Variants in DNMT3B observed in about 807,000 individuals in gnomAD.
The protein encoded by DNMT3B is DNA methyltransferase 3 beta, also known as DNA (cytosine-5)-methyltransferase 3B.
DNMT3B carries 37 observed loss-of-function variants against 120.2 expected under a neutral mutation model. The ratio of observed to expected loss-of-function variants is 0.31; its 90% CI spans 0.24 to 0.40. The LOEUF (loss-of-function observed/expected upper bound fraction) is 0.40. DNMT3B is among the 10% of genes least tolerant of loss of function. The probability of loss-of-function intolerance (pLI) is 1.00; values close to 1 mark genes in which losing one functional copy is unlikely to be tolerated. For missense variants in DNMT3B, 878 were observed against 1,137.3 expected (o/e 0.77, Z 3.28); for synonymous variants, 412 against 442.8 (o/e 0.93, Z 0.87).
intron 3 of DNMT3B, 57 bp from the exon 4 acceptor site, chr20:32,784,701 C>A (rs1046168846): frequency 1.9e-6 from 3 of 1,595,990 alleles, no homozygotes; most frequent in African/African-American, 1.3e-5. Flanking sequence ...TGCCTTGTTT[C>A]TTTGACTTGC....
chr20:32,807,160 A>G (rs57134070), intron 22 of DNMT3B, among the ~76,000 whole-genome samples: 4,429 of 152,292 alleles, frequency 0.029, 206 homozygotes, highest in African/African-American at 0.1. Context: ...TGAATAACCC[A>G]CGCAGCCATT....
At chr20:32,780,673 C>T (rs765224048) in intron 2 of DNMT3B, among the ~76,000 whole-genome samples, 1 of 152,178 alleles carries the variant, frequency 6.6e-6, no homozygotes, top group Non-Finnish European at 1.5e-5. Flanking sequence ...CTCATCTCAG[C>T]TGGGACTCTG....
chr20:32,800,655 C>T (rs6058892), intron 17 of DNMT3B, among the ~76,000 whole-genome samples, 180 bp from the exon 18 acceptor site: 85,677 of 151,938 alleles, frequency 0.56, 26,040 homozygotes, highest in East Asian at 0.99. Context: ...GTTGGGGTTT[C>T]TCCATGTTGG....
intron 16 of DNMT3B, 50 bp downstream of exon 16, chr20:32,799,378 AGC>A: frequency 1.3e-6 from 2 of 1,586,150 alleles, no homozygotes; most frequent in Non-Finnish European, 1.7e-6. Flanking sequence ...ACAACAGGGT[AGC>A]CAGGGAGTCA....
intron 15 of DNMT3B, 53 bp from the exon 16 acceptor site, chr20:32,799,191 T>C (rs1981020071): frequency 1.9e-6 from 3 of 1,575,724 alleles, no homozygotes; most frequent in African/African-American, 1.3e-5. Context: ...CCCTCAGAGC[T>C]TGAGTCTTTG....
intron 20 of DNMT3B, among the ~76,000 whole-genome samples, chr20:32,803,269 A>G (rs1175751514): frequency 6.6e-6 from 1 of 152,204 alleles, no homozygotes. Context: ...AAGATGTAAA[A>G]TGTTATGGTA....
intron 13 of DNMT3B, 75 bp from the exon 14 acceptor site, chr20:32,797,112 G>A (rs778895542): frequency 1.2e-6 from 2 of 1,606,216 alleles, no homozygotes; most frequent in Non-Finnish European, 1.7e-6. Context: ...GTATCCTAGG[G>A]CCTCCACCAG....
In DNMT3B at chr20:32,808,153, T is replaced by C; in HGVS notation, c.*250T>C. The C allele has an allele frequency of 1.8e-6, 1 of 561,692 alleles. No individual in the cohort carries two copies. Among genetic ancestry groups the C allele is most frequent in the Non-Finnish European group, 3.1e-6 (1 of 324,460 alleles). 34.8% of individuals were successfully genotyped at this position (561,692 alleles called of 1,614,324 possible). ...CTAACACGGTGCTCATTTTTTCTTC[T>C]CCTAAAACTTTAAAACTTGAAGTAG... is the stretch of plus-strand genomic sequence containing the variant. On this transcript the variant is annotated 3_prime_UTR_variant, in exon 23 of 23. Coordinates refer to ENST00000328111, the MANE Select transcript of DNMT3B (RefSeq NM_006892.4).
intron 10 of DNMT3B, among the ~76,000 whole-genome samples, 170 bp downstream of exon 10, chr20:32,793,765 C>T (rs1262273934): frequency 3.9e-5 from 6 of 152,146 alleles, no homozygotes; most frequent in Admixed American, 6.6e-5. Flanking sequence ...TCCAGGTTAA[C>T]GTTGGGTTGC....
In DNMT3B at chr20:32,809,025, T is replaced by C. The variant is rs181314156; in HGVS notation, c.*1122T>C. 4.6e-6 allele frequency: 1 copy of C among 217,196 alleles called. No individual in the cohort carries two copies. Among genetic ancestry groups the C allele is most frequent in the Admixed American group, 5.8e-5 (1 of 17,212 alleles). The allele number at this position is 217,196 out of a possible 1,614,324, so 13.5% of individuals were successfully genotyped here. The stretch of plus-strand genomic sequence containing the variant: ...TTTTTTATTCCATAAGAAGTCGTTT[T>C]TAGGGAGAACGGGAATTCAGACAAG... On this transcript the variant is annotated 3_prime_UTR_variant, in exon 23 of 23. Coordinates refer to ENST00000328111, the MANE Select transcript of DNMT3B (RefSeq NM_006892.4).
At chr20:32,804,917 G>C (rs990991628) in intron 20 of DNMT3B, among the ~76,000 whole-genome samples, 2 of 152,038 alleles carry the variant, frequency 1.3e-5, no homozygotes, top group Admixed American at 1.3e-4. Context: ...CAAACCGTGG[G>C]TGTGATATGA....
At chr20:32,785,979 G>C (rs1289417882) in intron 4 of DNMT3B, among the ~76,000 whole-genome samples, 4 of 151,838 alleles carry the variant, frequency 2.6e-5, no homozygotes, top group Non-Finnish European at 5.9e-5. Flanking sequence ...TGCCTCCCTG[G>C]TCCAAGTGAT....
chr20:32,775,084 C>G (rs1026237355), intron 1 of DNMT3B, among the ~76,000 whole-genome samples: 1 of 152,280 alleles, frequency 6.6e-6, no homozygotes, highest in Admixed American at 6.5e-5. Flanking sequence ...TCTTGAACTC[C>G]TGACCTCGGG....
chr20:32,769,174 T>C (rs1052002257), intron 1 of DNMT3B, among the ~76,000 whole-genome samples: 4 of 151,988 alleles, frequency 2.6e-5, no homozygotes, highest in Non-Finnish European at 5.9e-5. Context: ...AAGCTCTGCC[T>C]TCCGGGTTCA....
chr20:32,790,527 G>A (rs1026037105), intron 7 of DNMT3B, among the ~76,000 whole-genome samples: 1 of 124,040 alleles, frequency 8.1e-6, no homozygotes, highest in Non-Finnish European at 1.7e-5. Flanking sequence ...GTGTTGGAGC[G>A]GTTTCCCCCC....
At chr20:32,794,961 T>G (rs775463879) in intron 10 of DNMT3B, among the ~76,000 whole-genome samples, 1 of 152,204 alleles carries the variant, frequency 6.6e-6, no homozygotes, top group Admixed American at 6.5e-5. Flanking sequence ...CAGACTCATA[T>G]GTCTAGGCTA....
Position 32,786,625 on chromosome 20 carries a change from A to G in DNMT3B, c.430A>G (p.Arg144Gly). 3 of 1,613,798 alleles carry G rather than the reference A, an allele frequency of 1.9e-6. No homozygotes were observed. Among genetic ancestry groups the G allele is most frequent in the South Asian group, 1.1e-5 (1 of 91,084 alleles). ...DESPVEFPATRSLRRRATASA... is the reference protein window; with the variant it reads ...DESPVEFPATGSLRRRATASA... ...GTCCCCCGTGGAGTTCCCGGCTACC[A>G]GGGTTGGTTCCCCAGATGCCCAGAC... Residue 144 changes from arginine (R) to glycine (G), a missense_variant and splice_region_variant, in exon 5 of 23, where the codon AGG (arginine) becomes GGG (glycine). Around this residue, in one of 4 missense-constraint regions of DNMT3B, gnomAD observed 287 missense variants for 306.2 expected, o/e 0.94. Transcript: ENST00000328111.
chr20:32,806,120 C>T lies in DNMT3B; in HGVS notation c.2302-89C>T, dbSNP rs892242976. ...CACTCTTCTGCCGCACCTGCGCTCTCCCCTCCATCTTTCCCAGGTACTTTT... is the reference window on the plus strand; with the variant it reads ...CACTCTTCTGCCGCACCTGCGCTCTTCCCTCCATCTTTCCCAGGTACTTTT... On this transcript the variant is annotated intron_variant, in intron 21 of 22. Coordinates refer to ENST00000328111, the MANE Select transcript of DNMT3B (RefSeq NM_006892.4). 10 of 1,212,318 alleles carry T rather than the reference C, an allele frequency of 8.2e-6. No individual in the cohort carries two copies. In the African/African-American group the frequency reaches 1.3e-4, roughly 16 times the overall value. 75.1% of individuals were successfully genotyped at this position (1,212,318 alleles called of 1,614,324 possible).
intron 1 of DNMT3B, among the ~76,000 whole-genome samples, chr20:32,769,821 A>G (rs1295307252): frequency 6.6e-6 from 1 of 152,080 alleles, no homozygotes; most frequent in Non-Finnish European, 1.5e-5. Context: ...GATTTGGCAC[A>G]TTGCAACTTC....
Sources: gnomAD v4.1 joint callset for allele counts (sites outside exome capture counted in the v4.1 genomes callset) on GRCh38, gnomAD v4.1.1 for gene constraint, gnomAD v4.1.1 regional missense constraint, MANE v1.5 for transcripts, NCBI Gene and HGNC (gene_info 2026-07-23, HGNC 2026-07-21) for gene names.